Variants in SCD5 observed in about 807,000 individuals in gnomAD.
SCD5 encodes stearoyl-CoA desaturase 5, also known as acyl-CoA-desaturase 4.
A neutral mutation model predicts 30.4 loss-of-function variants in SCD5; 20 were observed. The ratio of observed to expected loss-of-function variants is 0.66; its 90% confidence interval spans 0.46 to 0.96. The LOEUF (loss-of-function observed/expected upper bound fraction) is 0.96. Ranked by LOEUF, SCD5 falls within the 40% of genes least tolerant of loss-of-function variation. The probability of loss-of-function intolerance (pLI) is 0.00; values close to 1 mark genes in which losing one functional copy is unlikely to be tolerated. For synonymous variants in SCD5, 173 were observed against 176.4 expected (o/e 0.98, Z 0.16); for missense variants, 381 against 443.3 (o/e 0.86, Z 1.26).
chr4:82,772,534 T>A (rs1721649933), intron 1 of SCD5, among the ~76,000 whole-genome samples: 1 of 152,364 alleles, frequency 6.6e-6, no homozygotes. Context: ...TTCTATGGGT[T>A]GTCAGGGTGG....
intron 1 of SCD5, among the ~76,000 whole-genome samples, chr4:82,748,499 T>C (rs1044252040): frequency 1.3e-5 from 2 of 152,202 alleles, no homozygotes; most frequent in African/African-American, 4.8e-5. Context: ...CAATGGGCAA[T>C]GGTGTTTAGT....
intron 3 of SCD5, among the ~76,000 whole-genome samples, chr4:82,666,480 A>T (rs1162351176): frequency 6.6e-6 from 1 of 151,764 alleles, no homozygotes; most frequent in Non-Finnish European, 1.5e-5. Context: ...GCGCCACTGC[A>T]CTCCAGCCTG....
chr4:82,732,285 T>C (rs1720660698), intron 1 of SCD5, among the ~76,000 whole-genome samples: 1 of 152,086 alleles, frequency 6.6e-6, no homozygotes, highest in Admixed American at 6.6e-5. Flanking sequence ...AGACAGGGTT[T>C]CACCAAGTAG....
chr4:82,718,081 T>TAA (rs1445964798), intron 1 of SCD5, among the ~76,000 whole-genome samples: 1,352 of 84,354 alleles, frequency 0.016, 44 homozygotes, highest in African/African-American at 0.06. Context: ...CCTTTTTTTT[T>TAA]TAAAAAAAAA....
chr4:82,710,254 T>C (rs1017991435), intron 1 of SCD5, among the ~76,000 whole-genome samples: 4 of 152,138 alleles, frequency 2.6e-5, no homozygotes, highest in Non-Finnish European at 5.9e-5. Context: ...TTAGACACCA[T>C]GTGGCCCCAC....
In SCD5 at chr4:82,680,749, AC is replaced by A; in HGVS notation, c.526del (p.Val176SerfsTer114). On this transcript the variant is annotated frameshift_variant, in exon 3 of 5. Transcript: ENST00000319540. LOFTEE classifies it high-confidence loss of function. The part of the protein sequence containing the change: ...DVIEKGRKLD[V>X]TDLLADPVVR... The stretch of plus-strand genomic sequence containing the variant: ...CACAGGATCAGCAAGCAGGTCAGTG[AC>A]GTCAAGCTTTCTCCCCTTCTCAATA... The A allele has an allele frequency of 6.2e-7, 1 of 1,614,112 alleles. No individual in the cohort carries two copies.
intron 3 of SCD5, among the ~76,000 whole-genome samples, chr4:82,644,246 T>G (rs1727597670): frequency 1.3e-5 from 2 of 152,196 alleles, no homozygotes; most frequent in Admixed American, 1.3e-4. Context: ...TGGTCCCCAC[T>G]GGGCTGACGA....
intron 3 of SCD5, among the ~76,000 whole-genome samples, chr4:82,654,388 G>A (rs1310537063): frequency 6.6e-6 from 1 of 152,076 alleles, no homozygotes; most frequent in Non-Finnish European, 1.5e-5. Context: ...ATTTCACTGG[G>A]AATTCATCCC....
At chr4:82,706,488 C>CTG (rs1385889574) in intron 1 of SCD5, among the ~76,000 whole-genome samples, 1 of 152,264 alleles carries the variant, frequency 6.6e-6, no homozygotes, top group East Asian at 1.9e-4. Flanking sequence ...AGCGCCTGTA[C>CTG]TGTGCAGTAG....
At chr4:82,678,927 C>T (rs901492638) in intron 3 of SCD5, among the ~76,000 whole-genome samples, 20 of 151,964 alleles carry the variant, frequency 1.3e-4, no homozygotes, top group Admixed American at 3.3e-4. Context: ...GTTGGCTGGG[C>T]GCAGTGGCTC....
intron 2 of SCD5, among the ~76,000 whole-genome samples, chr4:82,684,141 T>C (rs1201162892): frequency 1.3e-5 from 2 of 152,336 alleles, no homozygotes; most frequent in Admixed American, 6.5e-5. Context: ...TTTATTTTCA[T>C]TCCTTTCACC....
At chr4:82,676,870 G>A (rs1728447747) in intron 3 of SCD5, among the ~76,000 whole-genome samples, 1 of 152,250 alleles carries the variant, frequency 6.6e-6, no homozygotes, top group Admixed American at 6.5e-5. Flanking sequence ...TGACAGTGCA[G>A]CAAAATGTGG....
intron 1 of SCD5, among the ~76,000 whole-genome samples, chr4:82,716,763 G>C (rs948621217): frequency 6.6e-5 from 10 of 151,660 alleles, no homozygotes; most frequent in African/African-American, 2.2e-4. Flanking sequence ...GCAATGAGCC[G>C]AGATCGTACC....
At chr4:82,793,573 C>A (rs563439195) in intron 1 of SCD5, among the ~76,000 whole-genome samples, 1 of 152,106 alleles carries the variant, frequency 6.6e-6, no homozygotes, top group Non-Finnish European at 1.5e-5. Flanking sequence ...GAATTTATTG[C>A]GCTGCCGGAA....
intron 1 of SCD5, among the ~76,000 whole-genome samples, chr4:82,740,681 C>T (rs1319236357): frequency 1.3e-5 from 2 of 152,184 alleles, no homozygotes; most frequent in African/African-American, 4.8e-5. Flanking sequence ...CCAAGGTCCG[C>T]CACAGTTGGC....
intron 3 of SCD5, among the ~76,000 whole-genome samples, chr4:82,653,273 C>G (rs1231121017): frequency 6.6e-6 from 1 of 152,216 alleles, no homozygotes; most frequent in Non-Finnish European, 1.5e-5. Context: ...ACACCCTCTT[C>G]TCTTTTCCTG....
At chr4:82,663,892 G>T (rs898513165) in intron 3 of SCD5, among the ~76,000 whole-genome samples, 3 of 152,164 alleles carry the variant, frequency 2.0e-5, no homozygotes, top group Admixed American at 6.5e-5. Context: ...TTGTGCCCAG[G>T]ATCTTGCACT....
At position 82,789,574 on chromosome 4, in the gene SCD5, C is replaced by T. The variant is rs1722058214; in HGVS notation, c.232+8732G>A. Among the ~76,000 whole-genome samples, 3 of 152,202 alleles carry T rather than the reference C, an allele frequency of 2.0e-5. No individual in the cohort carries two copies. The South Asian group carries it at 6.2e-4, about 32-fold the overall frequency. ...TTTGAGTAGCAAGGCCCTTAAGGCT[C>T]AGGCAACTGCAGCTGTAAGACTGTC... On this transcript the variant is annotated intron_variant, in intron 1 of 4. Transcript: ENST00000319540.
chr4:82,698,466 G>T (rs1719745105), intron 2 of SCD5, among the ~76,000 whole-genome samples: 1 of 152,132 alleles, frequency 6.6e-6, no homozygotes, highest in Admixed American at 6.5e-5. Context: ...AACTCTTTGG[G>T]GTCTCCTGAC....
Sources: gnomAD v4.1 joint callset for allele counts (sites outside exome capture counted in the v4.1 genomes callset) on GRCh38, gnomAD v4.1.1 for gene constraint, MANE v1.5 for transcripts, NCBI Gene and HGNC (gene_info 2026-07-23, HGNC 2026-07-21) for gene names.